DOCK10: variants seen among roughly 807,000 people sequenced by gnomAD.
DOCK10 encodes the protein dedicator of cytokinesis protein 10.
DOCK10 carries 145 observed loss-of-function variants against 280.1 expected under a neutral mutation model. The observed-to-expected ratio is 0.52, with a 90% CI of 0.45 to 0.59. The LOEUF is 0.59. Ranked by LOEUF, DOCK10 falls within the 20% of genes least tolerant of loss-of-function variation. The pLI is 0.00. For missense variants in DOCK10, 2,368 were observed against 2,651.7 expected, an observed-to-expected ratio of 0.89 and a Z score of 2.35; for synonymous variants, 915 against 942.2, an observed-to-expected ratio of 0.97 and a Z score of 0.53.
At chr2:224,935,842 T>G (rs1420363344) in intron 1 of DOCK10, among the ~76,000 whole-genome samples, 1 of 152,218 alleles carries the variant, frequency 6.6e-6, no homozygotes, top group Non-Finnish European at 1.5e-5. Flanking sequence ...AAATTTATAT[T>G]ATTTCATCCA....
At chr2:224,986,670 C>T (rs1021681736) in intron 1 of DOCK10, among the ~76,000 whole-genome samples, 1 of 152,148 alleles carries the variant, frequency 6.6e-6, no homozygotes, top group Non-Finnish European at 1.5e-5. Flanking sequence ...TATGAAGCCA[C>T]AGTGAGAAGG....
At chr2:225,021,889 C>T (rs1247135003) in intron 1 of DOCK10, among the ~76,000 whole-genome samples, 1 of 152,074 alleles carries the variant, frequency 6.6e-6, no homozygotes, top group Non-Finnish European at 1.5e-5. Flanking sequence ...TAAATTTCAC[C>T]ATATAACTAA....
chr2:224,898,830 C>T (rs373022174), intron 3 of DOCK10, among the ~76,000 whole-genome samples: 1 of 152,208 alleles, frequency 6.6e-6, no homozygotes, highest in East Asian at 1.9e-4. Flanking sequence ...CTGCCTTGGC[C>T]TCCAAAAGTG....
intron 1 of DOCK10, among the ~76,000 whole-genome samples, chr2:225,027,527 G>T (rs761674338): frequency 2.0e-5 from 3 of 152,146 alleles, no homozygotes; most frequent in Non-Finnish European, 2.9e-5. Flanking sequence ...GTTTCTCATG[G>T]TTTAACACCA....
At chr2:224,993,808 G>C (rs553419124) in intron 1 of DOCK10, among the ~76,000 whole-genome samples, 251 of 152,236 alleles carry the variant, frequency 1.6e-3, no homozygotes, top group Middle Eastern at 6.8e-3. Context: ...TGGGTTATGT[G>C]GGGGTAGGAG....
Position 224,806,043 on chromosome 2 carries a change from C to T in DOCK10, c.3814+83G>A, listed in dbSNP as rs1295259739. 3.3e-5 allele frequency: 25 copies of T among 750,496 alleles called. No homozygotes were observed. The East Asian group carries it at 3.8e-4, about 12-fold the overall frequency. The allele number at this position is 750,496 out of a possible 1,614,324, so 46.5% of individuals were successfully genotyped here. On this transcript the variant is annotated intron_variant, in intron 34 of 55. Transcript: ENST00000258390. ...CACGTAGATTATGCATAATAAATTA[C>T]GGACTGAGTAAAAAGCACAATGATA...
intron 25 of DOCK10, among the ~76,000 whole-genome samples, chr2:224,834,619 A>T (rs1000902571): frequency 1.3e-5 from 2 of 152,264 alleles, no homozygotes; most frequent in African/African-American, 4.8e-5. Flanking sequence ...GCAATTCTTC[A>T]TCCTGAAAGG....
chr2:224,852,262 G>T, intron 18 of DOCK10, 115 bp downstream of exon 18: 1 of 745,014 alleles, frequency 1.3e-6, no homozygotes, highest in Non-Finnish European at 2.3e-6. Flanking sequence ...TAAAACAAAT[G>T]TATTAAATTA....
chr2:224,937,777 C>A (rs1702772572), intron 1 of DOCK10, among the ~76,000 whole-genome samples: 1 of 152,068 alleles, frequency 6.6e-6, no homozygotes, highest in Non-Finnish European at 1.5e-5. Flanking sequence ...ACTTGCAGAT[C>A]AAAAGAGAAG....
chr2:224,977,785 T>C (rs1283648400), intron 1 of DOCK10, among the ~76,000 whole-genome samples: 1 of 152,216 alleles, frequency 6.6e-6, no homozygotes, highest in African/African-American at 2.4e-5. Flanking sequence ...TATTTAGCAA[T>C]TTCTCTCCAC....
chr2:224,942,139 G>A (rs1383046555), intron 1 of DOCK10, among the ~76,000 whole-genome samples: 3 of 152,100 alleles, frequency 2.0e-5, no homozygotes, highest in African/African-American at 4.8e-5. Context: ...CCCTCCCTTC[G>A]CAGTCAGCTG....
At chr2:224,990,531 G>GA (rs139804976) in intron 1 of DOCK10, among the ~76,000 whole-genome samples, 2,974 of 152,312 alleles carry the variant, frequency 0.02, 92 homozygotes, top group African/African-American at 0.068. Flanking sequence ...CTGGAAAAGA[G>GA]AAAATCTAAG....
chr2:225,020,670 G>A (rs148297421), intron 1 of DOCK10, among the ~76,000 whole-genome samples: 6 of 152,296 alleles, frequency 3.9e-5, no homozygotes, highest in African/African-American at 1.2e-4. Context: ...CTAAAAATGC[G>A]TTGCAAGCAA....
intron 27 of DOCK10, among the ~76,000 whole-genome samples, chr2:224,824,978 ATTT>A (rs10563888): frequency 0.011 from 1,410 of 126,910 alleles, 23 homozygotes; most frequent in African/African-American, 0.039. Context: ...GCTGGCTTCT[ATTT>A]TTTTTTTTTT....
chr2:224,931,667 T>C lies in DOCK10; in HGVS notation c.125A>G (p.Gln42Arg). Residue 42 changes from glutamine to arginine, a missense_variant and splice_region_variant, in exon 2 of 56, where the codon CAA (glutamine) becomes CGA (arginine). Physicochemically the swap from Gln to Arg is conservative, Grantham distance 43. This residue lies in a region of DOCK10 where 1,209 missense variants were observed against 1,250.9 expected (regional missense o/e 0.97). Coordinates refer to ENST00000258390, the MANE Select transcript of DOCK10 (RefSeq NM_014689.3). Reference sequence around the variant, plus strand: ...AGGCTCGAGAAGCCTAGGCTTTTCTTGCTGTAGAAAAAGAAAATATGGTAT... The same window carrying C: ...AGGCTCGAGAAGCCTAGGCTTTTCTCGCTGTAGAAAAAGAAAATATGGTAT... ...VAVSSRQQQR[Q>R]EKPRLLEPLD... is the part of the protein sequence containing the mutation. 6.3e-7 allele frequency: 1 copy of C among 1,596,002 alleles called. No individual in the cohort carries two copies. The highest frequency in any genetic ancestry group is 8.5e-7 in the Non-Finnish European group (1 of 1,170,898).
chr2:224,834,252 C>G lies in DOCK10; in HGVS notation c.2862G>C (p.Lys954Asn). ...CAGTCCTCTCCTTGCATGCCCTGGTCTTGAACACGAACTGAAGAAAATCCA... is the reference window on the plus strand; with the variant it reads ...CAGTCCTCTCCTTGCATGCCCTGGTGTTGAACACGAACTGAAGAAAATCCA... Reference protein sequence around the residue: ...SVQSYIKFVFKTRACKERTVH... With the variant: ...SVQSYIKFVFNTRACKERTVH... The change falls in exon 26 of 56, where the codon AAG (lysine) becomes AAC (asparagine). Residue 954 changes from lysine to asparagine, a missense_variant. Coordinates refer to ENST00000258390, the MANE Select transcript of DOCK10 (RefSeq NM_014689.3). The G allele has an allele frequency of 6.2e-7, 1 of 1,602,688 alleles. No individual in the cohort carries two copies. Among genetic ancestry groups the G allele is most frequent in the Non-Finnish European group, 8.5e-7 (1 of 1,171,490 alleles).
At position 224,797,037 on chromosome 2, in the gene DOCK10, G is replaced by T; in HGVS notation, c.4754C>A (p.Ala1585Asp). The T allele has an allele frequency of 6.2e-7, 1 of 1,613,412 alleles. No homozygotes were observed. The highest frequency in any genetic ancestry group is 8.5e-7 in the Non-Finnish European group (1 of 1,179,482). ...CTTCCTCATGAAAAAGTACAGAAGG[G>T]CTGAGGCTTCTGTCTGAGTTGACCG... ...RSRSTQTEAS[A>D]LLYFFMRKNF... The change falls in exon 43 of 56, where the codon GCC becomes GAC. Residue 1585 changes from alanine (A) to aspartate (D), a missense_variant. Coordinates refer to ENST00000258390, the MANE Select transcript of DOCK10 (RefSeq NM_014689.3).
chr2:224,810,754 G>A (rs1277944996), intron 31 of DOCK10, among the ~76,000 whole-genome samples: 28 of 150,678 alleles, frequency 1.9e-4, no homozygotes, highest in African/African-American at 6.6e-4. Context: ...TTGTCCTTGC[G>A]ATAGTTTGCT....
rs553386586 is a variant in DOCK10 at position 224,811,308 on chromosome 2, C to G, written c.3409+3012G>C. Among the ~76,000 whole-genome samples the G allele has an allele frequency of 4.6e-4, 70 of 152,256 alleles. No individual in the cohort carries two copies. The East Asian group carries it at 0.012, about 27-fold the overall frequency. ...CTTTTGAGAAGTGTCTGTTCATATG[C>G]TTTGCCCACTTTTTGATGGGGTTGT... On this transcript the variant is annotated intron_variant, in intron 31 of 55. Coordinates refer to ENST00000258390, the MANE Select transcript of DOCK10 (RefSeq NM_014689.3).
Sources: allele counts gnomAD v4.1 joint callset (sites outside exome capture counted in the v4.1 genomes callset), GRCh38; gene constraint gnomAD v4.1.1; regional missense constraint gnomAD v4.1.1; transcripts MANE v1.5; gene names NCBI Gene and HGNC (gene_info 2026-07-23, HGNC 2026-07-21).